Variants in CFAP95 observed in about 807,000 individuals in gnomAD.
The protein encoded by CFAP95 is cilia- and flagella-associated protein 95.
the CFAP95 span, chr9:69,857,904 T>G: frequency 2.5e-6 from 4 of 1,613,414 alleles, no homozygotes; most frequent in Non-Finnish European, 3.4e-6. Context: ...GTTATCTTGT[T>G]TTAGGGTCAC....
the CFAP95 span, among the ~76,000 whole-genome samples, chr9:69,881,004 A>C: frequency 6.6e-6 from 1 of 151,756 alleles, no homozygotes; most frequent in South Asian, 2.1e-4. Flanking sequence ...TTTTGATAGG[A>C]TTATTAGATT....
At chr9:69,902,192 A>G in the CFAP95 span, 1 of 378,268 alleles carries the variant, frequency 2.6e-6, no homozygotes. Flanking sequence ...TTGGCACATA[A>G]TGTTGGCCCT....
the CFAP95 span, among the ~76,000 whole-genome samples, chr9:69,904,331 G>GT: frequency 6.6e-6 from 1 of 152,162 alleles, no homozygotes; most frequent in Admixed American, 6.5e-5. Flanking sequence ...TTAGCATAAT[G>GT]TTTTCAGGGT....
chr9:69,880,598 G>A, the CFAP95 span, among the ~76,000 whole-genome samples: 1 of 152,240 alleles, frequency 6.6e-6, no homozygotes. Flanking sequence ...CTTGGCTATT[G>A]TGAACAGTGC....
the CFAP95 span, among the ~76,000 whole-genome samples, chr9:69,823,109 G>A: frequency 6.6e-6 from 1 of 152,122 alleles, no homozygotes; most frequent in African/African-American, 2.4e-5. Flanking sequence ...GCAGGTCTTG[G>A]GAGGCCTCAG....
chr9:69,828,419 G>A, the CFAP95 span, among the ~76,000 whole-genome samples: 12 of 152,306 alleles, frequency 7.9e-5, no homozygotes, highest in African/African-American at 2.6e-4. Context: ...GCTCACTCAC[G>A]CCTGTAATCC....
chr9:69,848,069 A>G, the CFAP95 span, among the ~76,000 whole-genome samples: 5 of 152,182 alleles, frequency 3.3e-5, no homozygotes, highest in Non-Finnish European at 7.3e-5. Context: ...GATAGTACAG[A>G]AAGGATTTTG....
At chr9:69,839,981 G>A in the CFAP95 span, among the ~76,000 whole-genome samples, 1 of 151,696 alleles carries the variant, frequency 6.6e-6, no homozygotes, top group South Asian at 2.1e-4. Context: ...GAGGGTTGAG[G>A]GAGGAGAATC....
chr9:69,858,145 A>G, the CFAP95 span: 3 of 587,892 alleles, frequency 5.1e-6, no homozygotes, highest in Admixed American at 5.9e-5. Context: ...CATGCACAAC[A>G]TTAATAACCG....
At chr9:69,839,552 G>T in the CFAP95 span, among the ~76,000 whole-genome samples, 1 of 152,026 alleles carries the variant, frequency 6.6e-6, no homozygotes, top group Admixed American at 6.5e-5. Context: ...TCAGGCCTCT[G>T]AGTAGCTGGG....
chr9:69,842,567 CT>C, the CFAP95 span, among the ~76,000 whole-genome samples: 1 of 152,150 alleles, frequency 6.6e-6, no homozygotes, highest in Non-Finnish European at 1.5e-5. Context: ...GGATTTTCTG[CT>C]TTTTAAAAAA....
At chr9:69,830,265 T>C in the CFAP95 span, among the ~76,000 whole-genome samples, 2 of 152,132 alleles carry the variant, frequency 1.3e-5, no homozygotes, top group African/African-American at 4.8e-5. Flanking sequence ...AAGTACCTGT[T>C]TGGAGTCATC....
chr9:69,862,864 A>T, the CFAP95 span, among the ~76,000 whole-genome samples: 1 of 152,202 alleles, frequency 6.6e-6, no homozygotes, highest in Admixed American at 6.5e-5. Context: ...CCTTTCCTCC[A>T]TAAGTGGGTA....
At chr9:69,876,150 A>G in the CFAP95 span, among the ~76,000 whole-genome samples, 1 of 152,104 alleles carries the variant, frequency 6.6e-6, no homozygotes, top group Non-Finnish European at 1.5e-5. Flanking sequence ...ATAAATAGGG[A>G]TTTTTAATTT....
chr9:69,891,952 C>A, the CFAP95 span, among the ~76,000 whole-genome samples: 6 of 152,146 alleles, frequency 3.9e-5, no homozygotes, highest in South Asian at 8.3e-4. Flanking sequence ...TTCTGTATAA[C>A]AGCTGTCATC....
chr9:69,861,930 T>G, the CFAP95 span, among the ~76,000 whole-genome samples: 69 of 152,190 alleles, frequency 4.5e-4, no homozygotes, highest in Admixed American at 1.2e-3. Flanking sequence ...GCCACTCCAC[T>G]CCCCATAACT....
the CFAP95 span, among the ~76,000 whole-genome samples, chr9:69,885,749 G>T: frequency 6.6e-6 from 1 of 152,086 alleles, no homozygotes; most frequent in Admixed American, 6.6e-5. Context: ...CGGTCACCTG[G>T]CAAAGAATGT....
chr9:69,854,091 T>A, the CFAP95 span, among the ~76,000 whole-genome samples: 1 of 152,204 alleles, frequency 6.6e-6, no homozygotes, highest in Non-Finnish European at 1.5e-5. Flanking sequence ...GAAGAAGGAA[T>A]GTCTAATATT....
At chr9:69,860,604 C>CTT in the CFAP95 span, among the ~76,000 whole-genome samples, 4 of 144,528 alleles carry the variant, frequency 2.8e-5, no homozygotes, top group Non-Finnish European at 6.1e-5. Context: ...TATACCTTTT[C>CTT]TTTTTTTTTT....
Sources: gnomAD v4.1 joint callset for allele counts (sites outside exome capture counted in the v4.1 genomes callset) on GRCh38, gnomAD v4.1.1 for gene constraint, MANE v1.5 for transcripts, NCBI Gene and HGNC (gene_info 2026-07-23, HGNC 2026-07-21) for gene names.